SLC22A15: variants seen among roughly 807,000 people sequenced by gnomAD.
SLC22A15 encodes the protein flipt 1.
SLC22A15 carries 45 observed loss-of-function variants against 62.7 expected under a neutral mutation model. The ratio of observed to expected loss-of-function variants is 0.72; its 90% CI spans 0.56 to 0.92. SLC22A15 has a LOEUF of 0.92. Among genes scored for constraint, SLC22A15 ranks in the 40% least tolerant of loss-of-function variants. The pLI, the probability that SLC22A15 is intolerant of heterozygous loss-of-function variation, is 0.00. For synonymous variants in SLC22A15, 264 were observed against 267.0 expected, an observed-to-expected ratio of 0.99 and a Z score of 0.11; for missense variants, 622 against 665.6, an observed-to-expected ratio of 0.93 and a Z score of 0.72.
At chr1:116,036,501 G>A (rs993170899) in intron 7 of SLC22A15, among the ~76,000 whole-genome samples, 1 of 152,138 alleles carries the variant, frequency 6.6e-6, no homozygotes, top group Non-Finnish European at 1.5e-5. Context: ...CTACCTTTGT[G>A]ACCAGGCAGA....
intron 1 of SLC22A15, among the ~76,000 whole-genome samples, chr1:115,988,219 TGCTGTTTGTG>T (rs1654970273): frequency 6.6e-6 from 1 of 152,212 alleles, no homozygotes; most frequent in Admixed American, 6.5e-5. Flanking sequence ...GGATAGTGGT[TGCTGTTTGTG>T]GCTTTAAGGC....
intron 6 of SLC22A15, among the ~76,000 whole-genome samples, chr1:116,033,961 T>G (rs1657537791): frequency 6.6e-6 from 1 of 152,246 alleles, no homozygotes; most frequent in African/African-American, 2.4e-5. Flanking sequence ...TCTCTTTACA[T>G]CTCTCTCTTC....
chr1:116,035,725 T>C (rs1331775369), intron 7 of SLC22A15, among the ~76,000 whole-genome samples: 1 of 152,174 alleles, frequency 6.6e-6, no homozygotes, highest in Non-Finnish European at 1.5e-5. Context: ...AGAAGACAAA[T>C]AATTGAAGGA....
In SLC22A15 at chr1:116,066,464, C is replaced by T. The variant is rs1001121252; in HGVS notation, c.1366-56C>T. On this transcript the variant is annotated intron_variant, in intron 10 of 11. Coordinates refer to ENST00000369503, the MANE Select transcript of SLC22A15 (RefSeq NM_018420.3). ...TTCAGTCATGAGACTGCTTGTATTA[C>T]ATGCTAAGGAAACTAATTCTCTGGT... is the stretch of plus-strand genomic sequence containing the variant. 1.4e-5 allele frequency: 21 copies of T among 1,466,724 alleles called. No homozygotes were observed. The African/African-American group carries it at 2.7e-4, about 19-fold the overall frequency. 90.9% of individuals were successfully genotyped at this position (1,466,724 alleles called of 1,614,324 possible). A position where few individuals can be genotyped will look rare whatever the true frequency, so the allele number is the denominator to read the frequency against.
intron 4 of SLC22A15, among the ~76,000 whole-genome samples, chr1:116,025,629 A>C (rs1393060703): frequency 2.6e-5 from 4 of 152,126 alleles, no homozygotes; most frequent in African/African-American, 9.7e-5. Flanking sequence ...CATAGAGGGG[A>C]GATAGAAGAG....
At chr1:116,021,972 A>G (rs758687969) in intron 4 of SLC22A15, among the ~76,000 whole-genome samples, 1 of 152,096 alleles carries the variant, frequency 6.6e-6, no homozygotes, top group Non-Finnish European at 1.5e-5. Context: ...GTTATTTCTA[A>G]CTGGTGTTGT....
chr1:116,027,250 T>C (rs1570747049), intron 5 of SLC22A15: 2 of 634,678 alleles, frequency 3.2e-6, no homozygotes, highest in East Asian at 6.8e-5. Flanking sequence ...CTCAATACAC[T>C]GCATTGTAAC....
chr1:116,065,911 A>T (rs1022284563), intron 10 of SLC22A15, among the ~76,000 whole-genome samples: 1 of 152,176 alleles, frequency 6.6e-6, no homozygotes. Context: ...TTTCCTGAGA[A>T]TATGTTTTGG....
At chr1:116,043,567 T>C (rs1019516499) in intron 8 of SLC22A15, among the ~76,000 whole-genome samples, 201 of 151,736 alleles carry the variant, frequency 1.3e-3, no homozygotes, top group African/African-American at 4.5e-3. Flanking sequence ...CTTAAGAAAG[T>C]AGATAACAAA....
intron 8 of SLC22A15, among the ~76,000 whole-genome samples, chr1:116,047,007 A>T (rs1657945564): frequency 6.6e-6 from 1 of 152,072 alleles, no homozygotes. Context: ...AAGGCAAAAG[A>T]CATAAAATCC....
intron 1 of SLC22A15, among the ~76,000 whole-genome samples, chr1:115,976,969 G>T (rs966275020): frequency 4.6e-5 from 7 of 152,158 alleles, no homozygotes; most frequent in Admixed American, 4.6e-4. Context: ...ACCTTGAGTG[G>T]TGGAAGGAGC....
intron 5 of SLC22A15, among the ~76,000 whole-genome samples, chr1:116,030,463 C>G (rs1276513031): frequency 6.6e-6 from 1 of 151,898 alleles, no homozygotes; most frequent in Non-Finnish European, 1.5e-5. Context: ...AAAAAAACAA[C>G]CTTGATTTGT....
At chr1:116,000,519 T>C (rs923387486) in intron 2 of SLC22A15, among the ~76,000 whole-genome samples, 5 of 152,152 alleles carry the variant, frequency 3.3e-5, no homozygotes, top group Admixed American at 2.0e-4. Context: ...ATTCAAGATA[T>C]GCATAGTTTA....
intron 4 of SLC22A15, among the ~76,000 whole-genome samples, chr1:116,025,405 AC>A (rs1486831526): frequency 6.6e-6 from 1 of 152,170 alleles, no homozygotes; most frequent in Non-Finnish European, 1.5e-5. Flanking sequence ...TACTCATTGG[AC>A]CACATATTCT....
chr1:115,994,888 G>A (rs1412686767), intron 2 of SLC22A15, among the ~76,000 whole-genome samples: 1 of 152,144 alleles, frequency 6.6e-6, no homozygotes, highest in African/African-American at 2.4e-5. Flanking sequence ...ATCCTTGATA[G>A]CATTGTATTT....
intron 2 of SLC22A15, among the ~76,000 whole-genome samples, chr1:115,995,974 G>T (rs760840039): frequency 1.3e-5 from 2 of 152,126 alleles, no homozygotes; most frequent in Non-Finnish European, 2.9e-5. Context: ...CACTGACACT[G>T]CTAAGACACA....
Position 116,031,383 on chromosome 1 carries a change from C to T in SLC22A15, c.746C>T (p.Pro249Leu), listed in dbSNP as rs762815105. The change falls in exon 6 of 12, where the codon CCT becomes CTT. Residue 249 changes from proline to leucine, a missense_variant. Pro to Leu is a moderately conservative substitution (Grantham distance 98, BLOSUM62 -3). Coordinates refer to ENST00000369503, the MANE Select transcript of SLC22A15 (RefSeq NM_018420.3). ...TCTTTCAGATTCATTCCTGAATCAC[C>T]TCGTTGGTTATACTCCCAGGGTCGA... ...FLLSLFIPES[P>L]RWLYSQGRLS... is the part of the protein sequence containing the mutation. 43 of 1,613,224 alleles carry T rather than the reference C, an allele frequency of 2.7e-5. No homozygotes were observed. The highest frequency in any genetic ancestry group is 7.6e-6 in the Non-Finnish European group (9 of 1,179,738).
intron 8 of SLC22A15, among the ~76,000 whole-genome samples, chr1:116,051,918 G>T (rs1658063699): frequency 6.6e-6 from 1 of 152,198 alleles, no homozygotes; most frequent in Non-Finnish European, 1.5e-5. Context: ...GACTAAGAAG[G>T]AGGAGCCAAG....
chr1:116,019,488 T>C (rs1656709685), intron 2 of SLC22A15, 94 bp from the exon 3 acceptor site: 2 of 1,235,352 alleles, frequency 1.6e-6, no homozygotes, highest in Middle Eastern at 2.1e-4. Flanking sequence ...TCATGCAGTA[T>C]AGAAATTCTG....
Sources: allele counts gnomAD v4.1 joint callset (sites outside exome capture counted in the v4.1 genomes callset), GRCh38; gene constraint gnomAD v4.1.1; transcripts MANE v1.5; gene names NCBI Gene and HGNC (gene_info 2026-07-23, HGNC 2026-07-21).